Variants in ITIH2 observed in about 807,000 individuals in gnomAD.
ITIH2 encodes the protein inter-alpha-trypsin inhibitor heavy chain 2.
Under a neutral mutation model 104.4 loss-of-function variants are expected in ITIH2, and 103 were observed. The ratio of observed to expected loss-of-function variants is 0.99; its 90% CI spans 0.84 to 1.16. ITIH2 has a LOEUF of 1.16. ITIH2 is among the 50% of genes most tolerant of loss of function. ITIH2 has a pLI of 0.00. For synonymous variants in ITIH2, 436 were observed against 435.4 expected (o/e 1.00, Z -0.02); for missense variants, 1,108 against 1,162.4 (o/e 0.95, Z 0.68).
At chr10:7,746,835 A>G in intron 20 of ITIH2, 131 bp downstream of exon 20, 1 of 600,242 alleles carries the variant, frequency 1.7e-6, no homozygotes, top group Non-Finnish European at 3.1e-6. Flanking sequence ...CATTAGGAAT[A>G]GACGCACACA....
chr10:7,743,275 A>G lies in ITIH2; in HGVS notation c.2209+16A>G. The G allele has an allele frequency of 7.5e-7, 1 of 1,325,784 alleles. No individual in the cohort carries two copies. The highest frequency in any genetic ancestry group is 1.1e-6 in the Non-Finnish European group (1 of 932,322). The allele number at this position is 1,325,784 out of a possible 1,614,324, so 82.1% of individuals were successfully genotyped here. On this transcript the variant is annotated intron_variant, in intron 17 of 20. Transcript: ENST00000358415. Reference sequence around the variant, plus strand: ...CCAGAATCAGGTAAAATAAAAATAAATTATATTTGCACCAATTAGGTCATT... The same window carrying G: ...CCAGAATCAGGTAAAATAAAAATAAGTTATATTTGCACCAATTAGGTCATT...
In ITIH2 at chr10:7,709,027, G is replaced by C; in HGVS notation, c.198G>C (p.Glu66Asp). 6.2e-7 allele frequency: 1 copy of C among 1,613,646 alleles called. No homozygotes were observed. The highest frequency in any genetic ancestry group is 1.1e-5 in the South Asian group (1 of 91,036). ...LPGESEEMME[E>D]VDQVTLYSYK... Reference sequence around the variant, plus strand: ...TGCTTTCTTGCCAATTTCAGGAAGAGGTTGATCAAGTAACTCTTTATAGCT... The same window carrying C: ...TGCTTTCTTGCCAATTTCAGGAAGACGTTGATCAAGTAACTCTTTATAGCT... Residue 66 changes from glutamate to aspartate, a missense_variant, in exon 4 of 21, where the codon GAG becomes GAC. Coordinates refer to ENST00000358415, the MANE Select transcript of ITIH2 (RefSeq NM_002216.3).
rs549517172 is a variant in ITIH2 at position 7,748,521 on chromosome 10, C to CTTTTTTTTTTTTTTTT, written c.2694-644_2694-629dup. On this transcript the variant is annotated intron_variant, in intron 20 of 20. Transcript: ENST00000358415. ...AGTTAAGAGGTGCCGCCAATGCATT[C>CTTTTTTTTTTTTTTTT]TTTTTTTTTTTTTTTTTTTTTTTTT... Among the ~76,000 whole-genome samples, 55 of 27,130 alleles carry CTTTTTTTTTTTTTTTT rather than the reference C, an allele frequency of 2.0e-3. 21 individuals carry two copies. Among genetic ancestry groups the CTTTTTTTTTTTTTTTT allele is most frequent in the Non-Finnish European group, 2.4e-3 (37 of 15,258 alleles). The allele number at this position is 27,130 out of a possible 152,430, so 17.8% of individuals were successfully genotyped here.
At chr10:7,703,998 A>G (rs945343994) in intron 1 of ITIH2, among the ~76,000 whole-genome samples, 1 of 152,254 alleles carries the variant, frequency 6.6e-6, no homozygotes, top group Non-Finnish European at 1.5e-5. Context: ...GTGAACAGTG[A>G]TATTTGTAAT....
intron 1 of ITIH2, among the ~76,000 whole-genome samples, chr10:7,704,503 G>A (rs912952058): frequency 3.3e-5 from 5 of 152,154 alleles, no homozygotes; most frequent in African/African-American, 1.2e-4. Context: ...GTCAGACACT[G>A]CAAATGCCTC....
intron 8 of ITIH2, among the ~76,000 whole-genome samples, chr10:7,723,237 G>C (rs1234281026): frequency 6.6e-6 from 1 of 151,968 alleles, no homozygotes. Context: ...AAGCAGCGTG[G>C]AGTGGAGTGG....
Position 7,732,319 on chromosome 10 carries a change from T to A in ITIH2, c.1648-19T>A, listed in dbSNP as rs769842258. 1.9e-6 allele frequency: 3 copies of A among 1,608,506 alleles called. No homozygotes were observed. Among genetic ancestry groups the A allele is most frequent in the Non-Finnish European group, 2.6e-6 (3 of 1,175,312 alleles). ...ATTCTGTTACCCAGTGTCTCTCAACTGAACCTTCCATCATCTAGGCTAACA... is the reference window on the plus strand; with the variant it reads ...ATTCTGTTACCCAGTGTCTCTCAACAGAACCTTCCATCATCTAGGCTAACA... On this transcript the variant is annotated intron_variant, in intron 13 of 20. Transcript: ENST00000358415.
At chr10:7,729,160 A>G (rs1310996035) in intron 11 of ITIH2, among the ~76,000 whole-genome samples, 1 of 152,124 alleles carries the variant, frequency 6.6e-6, no homozygotes, top group Non-Finnish European at 1.5e-5. Context: ...CTAAAAATAC[A>G]AAATTAGCCT....
chr10:7,709,767 C>G (rs1410063933), intron 4 of ITIH2, among the ~76,000 whole-genome samples: 1 of 152,168 alleles, frequency 6.6e-6, no homozygotes, highest in Non-Finnish European at 1.5e-5. Flanking sequence ...CCCAATGACT[C>G]TAGTGATAAT....
intron 13 of ITIH2, 101 bp from the exon 14 acceptor site, chr10:7,732,237 C>CT: frequency 1.5e-6 from 2 of 1,355,474 alleles, no homozygotes. Context: ...CCTTCCATTT[C>CT]TTTTTTATTC....
At chr10:7,745,020 T>C (rs1451051768) in intron 19 of ITIH2, 57 bp downstream of exon 19, 15 of 1,498,162 alleles carry the variant, frequency 1.0e-5, no homozygotes, top group Non-Finnish European at 1.3e-5. Flanking sequence ...CTTTAGCAGC[T>C]TTGGTTGACA....
At chr10:7,732,738 TTTTTTTTGAGGCAGAG>T in intron 14 of ITIH2, among the ~76,000 whole-genome samples, 1 of 151,992 alleles carries the variant, frequency 6.6e-6, no homozygotes, top group South Asian at 2.1e-4. Flanking sequence ...TTTATTTTTA[TTTTTTTTGAGGCAGAG>T]TCTCGCTCTG....
intron 2 of ITIH2, 120 bp from the exon 3 acceptor site, chr10:7,707,081 G>T: frequency 1.7e-6 from 1 of 573,534 alleles, no homozygotes. Context: ...TCCAGTGAAT[G>T]AATAACAGCT....
At chr10:7,742,769 G>A (rs1181674499) in intron 16 of ITIH2, among the ~76,000 whole-genome samples, 2 of 152,074 alleles carry the variant, frequency 1.3e-5, no homozygotes, top group African/African-American at 4.8e-5. Context: ...CTATTTTTCT[G>A]TCTACACACA....
Position 7,749,367 on chromosome 10 carries a change from T to C in ITIH2, c.*33T>C. On this transcript the variant is annotated 3_prime_UTR_variant, in exon 21 of 21. Coordinates refer to ENST00000358415, the MANE Select transcript of ITIH2 (RefSeq NM_002216.3). ...TAGTTTGGGAAATTATATATATTAA[T>C]ATACATCTTTCCCCTGTCACTTTTG... 1.3e-6 allele frequency: 2 copies of C among 1,547,776 alleles called. No homozygotes were observed. The highest frequency in any genetic ancestry group is 1.8e-6 in the Non-Finnish European group (2 of 1,126,314).
chr10:7,729,515 T>A (rs1043565217), intron 11 of ITIH2, among the ~76,000 whole-genome samples: 1 of 152,188 alleles, frequency 6.6e-6, no homozygotes, highest in African/African-American at 2.4e-5. Context: ...TACACATACA[T>A]ACATTTATAC....
intron 8 of ITIH2, among the ~76,000 whole-genome samples, chr10:7,722,786 G>T (rs1481062530): frequency 6.6e-6 from 1 of 152,140 alleles, no homozygotes; most frequent in African/African-American, 2.4e-5. Flanking sequence ...GGCTCTTGCC[G>T]AGCCCTTTAC....
chr10:7,717,604 TG>T, intron 5 of ITIH2, 21 bp from the exon 6 acceptor site: 1 of 1,606,584 alleles, frequency 6.2e-7, no homozygotes, highest in South Asian at 1.1e-5. Context: ...TGTTGACTTT[TG>T]TTGGGGGCTT....
chr10:7,719,720 C>A, intron 6 of ITIH2, among the ~76,000 whole-genome samples: 1 of 122,956 alleles, frequency 8.1e-6, no homozygotes, highest in African/African-American at 3.2e-5. Flanking sequence ...ATGATCATGC[C>A]ACTGCACTCC....
Sources: gnomAD v4.1 joint callset for allele counts (sites outside exome capture counted in the v4.1 genomes callset) on GRCh38, gnomAD v4.1.1 for gene constraint, MANE v1.5 for transcripts, NCBI Gene and HGNC (gene_info 2026-07-23, HGNC 2026-07-21) for gene names.